Variants in LMO2 observed in about 807,000 individuals in gnomAD.
LMO2 encodes rhombotin-2.
In LMO2, 20 loss-of-function variants were observed where a neutral mutation model predicts 23.2. That is an observed-to-expected ratio of 0.86 (90% CI 0.61 to 1.25). The LOEUF is 1.25. Among genes scored for constraint, LMO2 ranks in the 50% most tolerant of loss-of-function variants. The pLI is 0.00. For missense variants in LMO2, 270 were observed against 315.3 expected (o/e 0.86, Z 1.09); for synonymous variants, 123 against 130.2 (o/e 0.94, Z 0.38).
chr11:33,878,742 T>C (rs182940995), intron 2 of LMO2, among the ~76,000 whole-genome samples: 107 of 152,328 alleles, frequency 7.0e-4, no homozygotes, highest in African/African-American at 2.4e-3. Flanking sequence ...TTCTGAGTTC[T>C]TATAGCCCTT....
intron 2 of LMO2, among the ~76,000 whole-genome samples, chr11:33,877,650 A>T (rs562331690): frequency 4.0e-5 from 6 of 151,784 alleles, no homozygotes; most frequent in African/African-American, 1.4e-4. Context: ...TTTGTAGTAG[A>T]GTCAGGGTTT....
At chr11:33,862,272 A>G (rs1182144822) in intron 5 of LMO2, among the ~76,000 whole-genome samples, 1 of 152,190 alleles carries the variant, frequency 6.6e-6, no homozygotes. Flanking sequence ...TGGTACTCCC[A>G]CCATGTCTGT....
At chr11:33,890,030 A>G (rs747599024) in intron 1 of LMO2, among the ~76,000 whole-genome samples, 4 of 152,230 alleles carry the variant, frequency 2.6e-5, no homozygotes, top group Non-Finnish European at 4.4e-5. Flanking sequence ...TCTTAAGTTA[A>G]AAAAGTCAGA....
chr11:33,889,086 G>A (rs1393918965), intron 1 of LMO2, among the ~76,000 whole-genome samples: 3 of 152,126 alleles, frequency 2.0e-5, no homozygotes, highest in Admixed American at 6.5e-5. Flanking sequence ...AAACAGAAAT[G>A]GGGAAATTGA....
At position 33,864,563 on chromosome 11, in the gene LMO2, C is replaced by T; in HGVS notation, c.464+39G>A. The T allele has an allele frequency of 6.4e-7, 1 of 1,563,904 alleles. No homozygotes were observed. ...TGCAGATGTCCATGGACCACCCAGC[C>T]TCCCTTCCGAGGGCCCAGTGGAGTG... On this transcript the variant is annotated intron_variant, in intron 5 of 5. Transcript: ENST00000257818. This position sits in a 1 kb window ranked among gnomAD's most constrained non-coding sequence, Gnocchi z 4.8.
At chr11:33,873,261 A>G (rs772232137) in intron 2 of LMO2, among the ~76,000 whole-genome samples, 1 of 152,306 alleles carries the variant, frequency 6.6e-6, no homozygotes. Flanking sequence ...AAAAGAGATT[A>G]CTGCATATGA....
At chr11:33,876,744 G>T (rs1404657374) in intron 2 of LMO2, among the ~76,000 whole-genome samples, 2 of 152,212 alleles carry the variant, frequency 1.3e-5, no homozygotes, top group Non-Finnish European at 2.9e-5. Context: ...AATCATATGA[G>T]TAAAAGCAAA....
rs576247816 is a variant in LMO2 at position 33,874,355 on chromosome 11, C to T, written c.-271-4368G>A. 2.6e-5 allele frequency among the ~76,000 whole-genome samples: 4 copies of T among 152,312 alleles called. No individual in the cohort carries two copies. The South Asian group carries it at 8.3e-4, about 32-fold the overall frequency. On this transcript the variant is annotated intron_variant, in intron 2 of 5. Coordinates refer to ENST00000257818, the MANE Select transcript of LMO2 (RefSeq NM_005574.4). The stretch of plus-strand genomic sequence containing the variant: ...TAGAAGCTCAGCTGTTTGCTAGCTG[C>T]GTGATCTGGGGGAATTTACTTCACT...
chr11:33,882,756 A>T (rs1287309626), intron 1 of LMO2, among the ~76,000 whole-genome samples: 1 of 152,234 alleles, frequency 6.6e-6, no homozygotes, highest in Admixed American at 6.5e-5. Context: ...TCCTGAGATC[A>T]GTAATATTAT....
chr11:33,879,376 T>C (rs558494084), intron 2 of LMO2, among the ~76,000 whole-genome samples: 4 of 151,748 alleles, frequency 2.6e-5, no homozygotes, highest in Admixed American at 6.6e-5. Context: ...TCCCAGCACT[T>C]TGGGAGGCTG....
At chr11:33,871,781 A>T (rs1484106896) in intron 2 of LMO2, among the ~76,000 whole-genome samples, 1 of 152,174 alleles carries the variant, frequency 6.6e-6, no homozygotes, top group Admixed American at 6.5e-5. Context: ...TGTGGTGGTT[A>T]AACGCTGGAA....
intron 2 of LMO2, among the ~76,000 whole-genome samples, chr11:33,877,471 T>TC (rs1857162818): frequency 6.8e-6 from 1 of 147,326 alleles, no homozygotes; most frequent in Admixed American, 6.7e-5. Flanking sequence ...CTTTTTTTTT[T>TC]TTTTTTTTTT....
intron 2 of LMO2, among the ~76,000 whole-genome samples, chr11:33,874,252 G>T (rs1245224846): frequency 3.5e-4 from 53 of 152,206 alleles, no homozygotes; most frequent in Admixed American, 3.5e-3. Flanking sequence ...GTGATAAACA[G>T]ATTCGGTTTT....
At chr11:33,886,968 CTTA>C (rs1857425819) in intron 1 of LMO2, among the ~76,000 whole-genome samples, 1 of 152,232 alleles carries the variant, frequency 6.6e-6, no homozygotes, top group African/African-American at 2.4e-5. Context: ...GCAGGTCCCA[CTTA>C]TTATTTGCCA....
intron 4 of LMO2, 135 bp downstream of exon 4, chr11:33,869,211 C>G: frequency 1.9e-6 from 1 of 531,882 alleles, no homozygotes; most frequent in Non-Finnish European, 2.6e-6. Context: ...GAGCCCAGCG[C>G]TCGGCACAGG....
At chr11:33,873,233 G>T (rs1011192869) in intron 2 of LMO2, among the ~76,000 whole-genome samples, 2 of 152,086 alleles carry the variant, frequency 1.3e-5, no homozygotes, top group Admixed American at 6.5e-5. Context: ...CTTCTACTTT[G>T]ACCTGAGTGT....
In LMO2 at chr11:33,883,979, G is replaced by A. The variant is rs1160848983; in HGVS notation, c.-335-2092C>T. Among the ~76,000 whole-genome samples, 3 of 152,158 alleles carry A rather than the reference G, an allele frequency of 2.0e-5. No homozygotes were observed. In the East Asian group the frequency reaches 5.8e-4, roughly 29 times the overall value. On this transcript the variant is annotated intron_variant, in intron 1 of 5. Coordinates refer to ENST00000257818, the MANE Select transcript of LMO2 (RefSeq NM_005574.4). ...GGTGCAGTTCACAGGTAGTAATGAAGTCAGCTGGTTGCAGAATTGGACCAT... is the reference window on the plus strand; with the variant it reads ...GGTGCAGTTCACAGGTAGTAATGAAATCAGCTGGTTGCAGAATTGGACCAT...
At chr11:33,883,465 A>C (rs1009136622) in intron 1 of LMO2, among the ~76,000 whole-genome samples, 5 of 152,198 alleles carry the variant, frequency 3.3e-5, no homozygotes, top group Admixed American at 1.3e-4. Context: ...AAATGCAATC[A>C]CTTCTTTCCA....
intron 2 of LMO2, among the ~76,000 whole-genome samples, chr11:33,871,537 C>G (rs1245141157): frequency 8.0e-6 from 1 of 124,854 alleles, no homozygotes; most frequent in Non-Finnish European, 1.6e-5. Context: ...CATTGCCCCC[C>G]AGTCTGGGGA....
Sources: gnomAD v4.1 joint callset for allele counts (sites outside exome capture counted in the v4.1 genomes callset) on GRCh38, gnomAD v4.1.1 for gene constraint, Gnocchi (gnomAD v3.1) non-coding constraint, MANE v1.5 for transcripts, NCBI Gene and HGNC (gene_info 2026-07-23, HGNC 2026-07-21) for gene names.